Variants in PTPRT observed in about 807,000 individuals in gnomAD.
The protein encoded by PTPRT is receptor-type tyrosine-protein phosphatase T.
Under a neutral mutation model 176.8 loss-of-function variants are expected in PTPRT, and 56 were observed. That is an observed-to-expected ratio of 0.32 (90% CI 0.26 to 0.40). PTPRT has a LOEUF of 0.40. PTPRT is among the 10% of genes least tolerant of loss of function. PTPRT has a pLI of 1.00. For synonymous variants in PTPRT, 783 were observed against 739.0 expected (o/e 1.06, Z -0.96); for missense variants, 1,540 against 1,908.2 (o/e 0.81, Z 3.60).
At chr20:42,345,549 T>TACACACACACACACAC (rs1182618155) in intron 11 of PTPRT, among the ~76,000 whole-genome samples, 1 of 141,134 alleles carries the variant, frequency 7.1e-6, no homozygotes, top group African/African-American at 2.6e-5. Context: ...CTAGTTACTA[T>TACACACACACACACAC]ACACACACAC....
At chr20:42,535,002 C>A (rs976603172) in intron 7 of PTPRT, among the ~76,000 whole-genome samples, 1 of 152,184 alleles carries the variant, frequency 6.6e-6, no homozygotes, top group Non-Finnish European at 1.5e-5. Flanking sequence ...GTGAGCCCTG[C>A]TGTTAATCCC....
At chr20:43,125,159 C>T (rs1447372569) in intron 1 of PTPRT, among the ~76,000 whole-genome samples, 5 of 77,268 alleles carry the variant, frequency 6.5e-5, no homozygotes, top group African/African-American at 2.1e-4. Context: ...CCACACCTAG[C>T]TGATTTTTTT....
intron 1 of PTPRT, among the ~76,000 whole-genome samples, chr20:43,106,002 C>G (rs1314755912): frequency 1.3e-5 from 2 of 152,070 alleles, no homozygotes; most frequent in Admixed American, 6.5e-5. Flanking sequence ...GCAACAGGTT[C>G]AGGGGGTGAG....
chr20:42,727,503 G>A (rs941426119), intron 6 of PTPRT, among the ~76,000 whole-genome samples: 8 of 152,196 alleles, frequency 5.3e-5, no homozygotes, highest in African/African-American at 1.9e-4. Context: ...TCAGGAGACT[G>A]TGGACCATGG....
chr20:43,174,091 T>C (rs1475228508), intron 1 of PTPRT, among the ~76,000 whole-genome samples: 1 of 152,208 alleles, frequency 6.6e-6, no homozygotes, highest in Non-Finnish European at 1.5e-5. Context: ...ACAAAGGCTT[T>C]CCACCCAGTA....
At chr20:43,109,999 G>A (rs749668421) in intron 1 of PTPRT, among the ~76,000 whole-genome samples, 7 of 152,132 alleles carry the variant, frequency 4.6e-5, no homozygotes, top group Admixed American at 3.9e-4. Context: ...AGTTATTGGA[G>A]GGTATCTTAA....
chr20:42,367,743 A>G (rs919910702), intron 9 of PTPRT, among the ~76,000 whole-genome samples: 1 of 152,110 alleles, frequency 6.6e-6, no homozygotes. Flanking sequence ...CTAAGTGGAT[A>G]CCCAAGAGAA....
chr20:42,960,234 A>C (rs556681748), intron 1 of PTPRT, among the ~76,000 whole-genome samples: 1 of 152,148 alleles, frequency 6.6e-6, no homozygotes, highest in Non-Finnish European at 1.5e-5. Flanking sequence ...TAATTTATCA[A>C]TTGTAGACGT....
chr20:42,868,749 C>A (rs1447486791), intron 2 of PTPRT, among the ~76,000 whole-genome samples: 3 of 152,188 alleles, frequency 2.0e-5, no homozygotes, highest in Non-Finnish European at 4.4e-5. Context: ...ACTCCGAAGG[C>A]ATTTCAAAGA....
intron 9 of PTPRT, among the ~76,000 whole-genome samples, chr20:42,433,835 A>G (rs1320670903): frequency 6.6e-6 from 1 of 152,196 alleles, no homozygotes; most frequent in Non-Finnish European, 1.5e-5. Flanking sequence ...TGAAAAATCT[A>G]TTGAGAGGGA....
rs182342691 is a variant in PTPRT at position 42,105,368 on chromosome 20, C to T, written c.3391-650G>A. ...TGCCGGCAAATCTTTGTCTCACGAT[C>T]TGCTCCCAAAACGTGTCATATCTTC... On this transcript the variant is annotated intron_variant, in intron 24 of 30. Transcript: ENST00000373187. Among the ~76,000 whole-genome samples, 203 of 152,314 alleles carry T rather than the reference C, an allele frequency of 1.3e-3. 4 individuals are homozygous for T. The highest frequency in any genetic ancestry group is 0.012 in the Admixed American group (185 of 15,300).
chr20:42,456,756 T>C (rs2070932606), intron 8 of PTPRT, among the ~76,000 whole-genome samples: 1 of 152,140 alleles, frequency 6.6e-6, no homozygotes, highest in African/African-American at 2.4e-5. Context: ...TTTAGGTATT[T>C]GCATACATTT....
intron 7 of PTPRT, among the ~76,000 whole-genome samples, chr20:42,627,564 G>T (rs1055961317): frequency 2.6e-5 from 4 of 152,090 alleles, no homozygotes; most frequent in Non-Finnish European, 5.9e-5. Flanking sequence ...GAGCCACCAT[G>T]CCTGGCCCCA....
chr20:42,478,334 C>T (rs2071326612), intron 7 of PTPRT, among the ~76,000 whole-genome samples: 1 of 152,128 alleles, frequency 6.6e-6, no homozygotes, highest in Admixed American at 6.6e-5. Context: ...GTTTTCAGAA[C>T]CTTCTCCATT....
intron 9 of PTPRT, among the ~76,000 whole-genome samples, chr20:42,402,642 A>G (rs1252639848): frequency 1.3e-5 from 2 of 152,090 alleles, no homozygotes; most frequent in Non-Finnish European, 2.9e-5. Context: ...TGGGCACACA[A>G]GAGGAAAGGG....
At chr20:42,148,789 CA>C (rs1313526812) in intron 17 of PTPRT, among the ~76,000 whole-genome samples, 1 of 152,066 alleles carries the variant, frequency 6.6e-6, no homozygotes, top group South Asian at 2.1e-4. Flanking sequence ...TTGTCCAAGC[CA>C]AAAAAATGAC....
chr20:42,215,942 T>C (rs1278029241), intron 15 of PTPRT, among the ~76,000 whole-genome samples: 2 of 152,194 alleles, frequency 1.3e-5, no homozygotes, highest in African/African-American at 4.8e-5. Flanking sequence ...CCTCACCCTT[T>C]AGATGCTCCT....
intron 9 of PTPRT, among the ~76,000 whole-genome samples, chr20:42,378,561 C>A (rs144586610): frequency 6.6e-6 from 1 of 152,184 alleles, no homozygotes; most frequent in Non-Finnish European, 1.5e-5. Context: ...ACCCTGTAAT[C>A]CCAAAACTTG....
intron 1 of PTPRT, among the ~76,000 whole-genome samples, chr20:43,093,172 G>A (rs966018656): frequency 6.6e-6 from 1 of 152,218 alleles, no homozygotes; most frequent in Admixed American, 6.5e-5. Flanking sequence ...GTGAGGGGCT[G>A]TATCGAGGAG....
Sources: allele counts gnomAD v4.1 joint callset (sites outside exome capture counted in the v4.1 genomes callset), GRCh38; gene constraint gnomAD v4.1.1; transcripts MANE v1.5; gene names NCBI Gene and HGNC (gene_info 2026-07-23, HGNC 2026-07-21).